Variants in PEBP4 observed in about 807,000 individuals in gnomAD.
PEBP4 encodes phosphatidylethanolamine-binding protein 4.
PEBP4 carries 22 observed loss-of-function variants against 23.9 expected under a neutral mutation model. The observed-to-expected ratio is 0.92, with a 90% CI of 0.66 to 1.31. The LOEUF (loss-of-function observed/expected upper bound fraction) is 1.31. PEBP4 is among the 40% of genes most tolerant of loss of function. The probability of loss-of-function intolerance (pLI) is 0.00; values close to 1 mark genes in which losing one functional copy is unlikely to be tolerated. For synonymous variants in PEBP4, 112 were observed against 99.3 expected, an observed-to-expected ratio of 1.13 and a Z score of -0.76; for missense variants, 324 against 281.7, an observed-to-expected ratio of 1.15 and a Z score of -1.07.
At chr8:22,805,921 G>C (rs1331288786) in intron 4 of PEBP4, among the ~76,000 whole-genome samples, 1 of 151,340 alleles carries the variant, frequency 6.6e-6, no homozygotes, top group East Asian at 1.9e-4. Context: ...GGGTCTGATA[G>C]ATGCACAGAA....
At chr8:22,884,212 A>G (rs1028932451) in intron 3 of PEBP4, 2 of 152,226 alleles carry the variant, frequency 1.3e-5, no homozygotes, top group African/African-American at 4.8e-5. Context: ...CCTCTTTAAA[A>G]TGAAGATGAA....
rs527956817 is a variant in PEBP4, at chr8:22,879,923, G to T, written c.258+40261C>A. Among the ~76,000 whole-genome samples, 4 of 152,342 alleles carry T rather than the reference G, an allele frequency of 2.6e-5. No individual in the cohort carries two copies. In the East Asian group the frequency reaches 7.7e-4, roughly 29 times the overall value. On this transcript the variant is annotated intron_variant, in intron 3 of 6. Transcript: ENST00000256404. ...GTAAGATTCTATGGCACACAGAGGG[G>T]TATGTTGCATTTGGGAAAAGGGTGT...
chr8:22,742,349 G>A (rs547986395), intron 4 of PEBP4, among the ~76,000 whole-genome samples: 1 of 152,226 alleles, frequency 6.6e-6, no homozygotes, highest in African/African-American at 2.4e-5. Context: ...CACCAGCGGG[G>A]TGGGCTCCAA....
At chr8:22,902,361 T>A (rs563734906) in intron 3 of PEBP4, among the ~76,000 whole-genome samples, 4 of 152,236 alleles carry the variant, frequency 2.6e-5, no homozygotes, top group Admixed American at 1.3e-4. Flanking sequence ...ACATAAATTT[T>A]AAAATCCTAC....
chr8:22,929,572 T>TATCACCCC (rs1809422711), upstream of PEBP4, among the ~76,000 whole-genome samples: 1 of 152,210 alleles, frequency 6.6e-6, no homozygotes, highest in Non-Finnish European at 1.5e-5. Flanking sequence ...TAGGCACTAT[T>TATCACCCC]ATCACCCCAT....
chr8:22,725,527 CCTT>C (rs1804606396), intron 5 of PEBP4, among the ~76,000 whole-genome samples: 1 of 151,944 alleles, frequency 6.6e-6, no homozygotes, highest in Non-Finnish European at 1.5e-5. Context: ...CTCTCCCAGT[CCTT>C]CTCTCTCCCT....
intron 4 of PEBP4, among the ~76,000 whole-genome samples, chr8:22,746,065 A>G (rs926335202): frequency 1.3e-5 from 2 of 152,216 alleles, no homozygotes; most frequent in African/African-American, 2.4e-5. Flanking sequence ...CCTGGTCTGA[A>G]AAATGCACCC....
chr8:22,927,733 G>A lies in PEBP4; in HGVS notation c.-6-13C>T. Reference sequence around the variant, plus strand: ...AACCCATGGGCACCTGGAACAGAAAGAACTTTAGAGCGGCTGGATCCCCTG... The same window carrying A: ...AACCCATGGGCACCTGGAACAGAAAAAACTTTAGAGCGGCTGGATCCCCTG... On this transcript the variant is annotated splice_polypyrimidine_tract_variant and intron_variant, in intron 1 of 6. Transcript: ENST00000256404. The A allele has an allele frequency of 6.2e-7, 1 of 1,613,256 alleles. No homozygotes were observed. Among genetic ancestry groups the A allele is most frequent in the Non-Finnish European group, 8.5e-7 (1 of 1,179,586 alleles).
intron 4 of PEBP4, among the ~76,000 whole-genome samples, chr8:22,734,838 A>G (rs1215462098): frequency 6.6e-6 from 1 of 152,046 alleles, no homozygotes; most frequent in Non-Finnish European, 1.5e-5. Flanking sequence ...GTTGTGGGAG[A>G]ATGATTTGCT....
intron 5 of PEBP4, among the ~76,000 whole-genome samples, chr8:22,725,219 C>T (rs947126128): frequency 2.0e-5 from 3 of 152,304 alleles, no homozygotes; most frequent in South Asian, 2.1e-4. Flanking sequence ...TGGGTGCTGG[C>T]GTGGCTCCCA....
chr8:22,879,075 C>T (rs1808188443), intron 3 of PEBP4, among the ~76,000 whole-genome samples: 1 of 152,188 alleles, frequency 6.6e-6, no homozygotes, highest in African/African-American at 2.4e-5. Flanking sequence ...TATGCTCTAT[C>T]CTAATCTCAT....
At chr8:22,897,311 C>A (rs529746756) in intron 3 of PEBP4, among the ~76,000 whole-genome samples, 1 of 151,946 alleles carries the variant, frequency 6.6e-6, no homozygotes. Flanking sequence ...GGATGTGATG[C>A]GTTCAGAAGC....
intron 4 of PEBP4, among the ~76,000 whole-genome samples, chr8:22,737,544 G>A (rs1395508718): frequency 2.0e-5 from 3 of 146,424 alleles, no homozygotes; most frequent in South Asian, 2.2e-4. Context: ...CACTCCCCCC[G>A]CCTTGGAGAG....
chr8:22,782,655 A>G (rs1805949341), intron 4 of PEBP4, among the ~76,000 whole-genome samples: 1 of 152,216 alleles, frequency 6.6e-6, no homozygotes. Context: ...AATGACCACA[A>G]ATTGCAAAAT....
intron 4 of PEBP4, among the ~76,000 whole-genome samples, chr8:22,807,240 G>A (rs1287944231): frequency 1.3e-5 from 2 of 152,194 alleles, no homozygotes; most frequent in African/African-American, 2.4e-5. Context: ...GACAGAGCAG[G>A]TAACAGTCCG....
chr8:22,792,603 G>C (rs1806161744), intron 4 of PEBP4, among the ~76,000 whole-genome samples: 2 of 152,038 alleles, frequency 1.3e-5, no homozygotes, highest in Admixed American at 1.3e-4. Context: ...GATTCACCCA[G>C]TGCTTCACAC....
intron 4 of PEBP4, among the ~76,000 whole-genome samples, chr8:22,735,859 A>G (rs549943405): frequency 6.6e-6 from 1 of 152,366 alleles, no homozygotes; most frequent in South Asian, 2.1e-4. Flanking sequence ...ACAAACAGTA[A>G]TTTTTGTTTC....
chr8:22,851,693 C>A (rs1807553894), intron 3 of PEBP4, among the ~76,000 whole-genome samples: 1 of 152,072 alleles, frequency 6.6e-6, no homozygotes, highest in Non-Finnish European at 1.5e-5. Flanking sequence ...AATCCCATTA[C>A]CCATAGTTGC....
intron 3 of PEBP4, among the ~76,000 whole-genome samples, chr8:22,859,199 A>G (rs1807715847): frequency 6.6e-6 from 1 of 152,200 alleles, no homozygotes; most frequent in African/African-American, 2.4e-5. Flanking sequence ...ACCAGGGAGC[A>G]CTATCACATG....
Sources: gnomAD v4.1 joint callset for allele counts (sites outside exome capture counted in the v4.1 genomes callset) on GRCh38, gnomAD v4.1.1 for gene constraint, MANE v1.5 for transcripts, NCBI Gene and HGNC (gene_info 2026-07-23, HGNC 2026-07-21) for gene names.